The following TNS4 variants were observed in gnomAD, a reference collection of about 807,000 sequenced individuals.
TNS4 encodes the protein tensin 4, also known as tensin-4.
TNS4 carries 46 observed loss-of-function variants against 70.4 expected under a neutral mutation model. That is an observed-to-expected ratio of 0.65 (90% CI 0.52 to 0.84). The LOEUF is 0.84. Ranked by LOEUF, TNS4 falls within the 40% of genes least tolerant of loss-of-function variation. The pLI is 0.00. For synonymous variants in TNS4, 390 were observed against 366.6 expected, an observed-to-expected ratio of 1.06 and a Z score of -0.73; for missense variants, 863 against 907.0, an observed-to-expected ratio of 0.95 and a Z score of 0.62.
chr17:40,496,517 G>T lies in TNS4; in HGVS notation c.-92C>A. 1 of 1,351,582 alleles carries T rather than the reference G, an allele frequency of 7.4e-7. No homozygotes were observed. The highest frequency in any genetic ancestry group is 9.9e-7 in the Non-Finnish European group (1 of 1,008,214). The allele number at this position is 1,351,582 out of a possible 1,614,324, so 83.7% of individuals were successfully genotyped here. On this transcript the variant is annotated 5_prime_UTR_variant, in exon 2 of 13. The change creates a new upstream start codon in the 5' untranslated region. Transcript: ENST00000254051. The stretch of plus-strand genomic sequence containing the variant: ...CTCACTTGCTAACCAGGAGCTCCCA[G>T]GATCTGAAAGAGTCCAAGAGTGGGA...
rs148373689 is a variant in TNS4, at chr17:40,488,687, G to A, written c.722C>T (p.Ser241Leu). 2.8e-5 allele frequency: 44 copies of A among 1,578,942 alleles called. No homozygotes were observed. The East Asian group carries it at 4.1e-4, about 15-fold the overall frequency. ...ISIPCMGSKA[S>L]SPHGLGSPLV... The stretch of plus-strand genomic sequence containing the variant: ...CGGGGAGCCCAAACCATGGGGGCTC[G>A]AGGCCTTGCTCCCCATGCAAGGGAT... Residue 241 changes from serine (S) to leucine (L), a missense_variant, in exon 3 of 13, where the codon TCG becomes TTG. Coordinates refer to ENST00000254051, the MANE Select transcript of TNS4 (RefSeq NM_032865.6).
In TNS4 at chr17:40,484,580, CT is replaced by C; in HGVS notation, c.1404del (p.Ala470LeufsTer4). 1 of 1,612,834 alleles carries C rather than the reference CT, an allele frequency of 6.2e-7. No homozygotes were observed. The highest frequency in any genetic ancestry group is 1.1e-5 in the South Asian group (1 of 91,078). On this transcript the variant is annotated frameshift_variant, in exon 6 of 13. Transcript: ENST00000254051. LOFTEE classifies it high-confidence loss of function. Reference protein sequence around the residue: ...QAIELLRKEEPGAFVIRDSSS... With the variant: ...QAIELLRKEEXGAFVIRDSSS... Reference sequence around the variant, plus strand: ...GAGCTGTCCCTTATGACAAAAGCCCCTGGCTCCTCCTTCCTCAGCAGCTCGA... The same window carrying C: ...GAGCTGTCCCTTATGACAAAAGCCCCGGCTCCTCCTTCCTCAGCAGCTCGA...
At chr17:40,491,262 A>C (rs1281413004) in intron 2 of TNS4, among the ~76,000 whole-genome samples, 3 of 152,238 alleles carry the variant, frequency 2.0e-5, no homozygotes, top group Non-Finnish European at 4.4e-5. Context: ...CTTAGTGTAC[A>C]ACGATGTTTC....
chr17:40,493,378 G>T (rs1251676876), intron 2 of TNS4, among the ~76,000 whole-genome samples: 2 of 152,206 alleles, frequency 1.3e-5, no homozygotes, highest in African/African-American at 4.8e-5. Flanking sequence ...TTCGAGGTAA[G>T]AGAACTCACC....
chr17:40,476,198 G>A lies in TNS4; in HGVS notation c.*1390C>T, dbSNP rs2143768513. On this transcript the variant is annotated 3_prime_UTR_variant, in exon 13 of 13. Coordinates refer to ENST00000254051, the MANE Select transcript of TNS4 (RefSeq NM_032865.6). ...GGTTTCCTTAGGAACTCAGGCCTGC[G>A]GGAGAAATGGTTCCAGCTTCTGGAG... 1 of 146,962 alleles carries A rather than the reference G, an allele frequency of 6.8e-6. No individual in the cohort carries two copies. Among genetic ancestry groups the A allele is most frequent in the Non-Finnish European group, 1.5e-5 (1 of 66,776 alleles). The allele number at this position is 146,962 out of a possible 1,614,324, so 9.1% of individuals were successfully genotyped here. A position where few individuals can be genotyped will look rare whatever the true frequency, so the allele number is the denominator to read the frequency against.
At chr17:40,489,796 CAAA>C (rs11463268) in intron 2 of TNS4, among the ~76,000 whole-genome samples, 6 of 105,574 alleles carry the variant, frequency 5.7e-5, no homozygotes, top group African/African-American at 7.4e-5. Context: ...GCCCCATCTC[CAAA>C]AAAAAAAAAA....
Position 40,477,739 on chromosome 17 carries a change from G to A in TNS4, c.2007-10C>T, listed in dbSNP as rs2035867187. The A allele has an allele frequency of 1.2e-6, 2 of 1,612,802 alleles. No individual in the cohort carries two copies. On this transcript the variant is annotated splice_polypyrimidine_tract_variant and intron_variant, in intron 12 of 12. Transcript: ENST00000254051. ...CACAAACCCAAAGATCCTGGTGGGGGAGGGCAGTCTGAGTGAGGGGTGGGA... is the reference window on the plus strand; with the variant it reads ...CACAAACCCAAAGATCCTGGTGGGGAAGGGCAGTCTGAGTGAGGGGTGGGA...
chr17:40,484,615 A>G lies in TNS4; in HGVS notation c.1376-6T>C. ...CTTCCTCAGCAGCTCGATTGCTGGA[A>G]CAATCCTTGAGTCAGAGATGGACAC... On this transcript the variant is annotated splice_polypyrimidine_tract_variant and splice_region_variant and intron_variant, in intron 5 of 12. Coordinates refer to ENST00000254051, the MANE Select transcript of TNS4 (RefSeq NM_032865.6). 6.2e-7 allele frequency: 1 copy of G among 1,611,620 alleles called. No homozygotes were observed. Among genetic ancestry groups the G allele is most frequent in the African/African-American group, 1.3e-5 (1 of 75,038 alleles).
Position 40,496,159 on chromosome 17 carries a change from C to T in TNS4, c.267G>A (p.Gly89=). The T allele has an allele frequency of 6.2e-7, 1 of 1,609,754 alleles. No homozygotes were observed. Residue 89 remains glycine (G), a synonymous_variant, in exon 2 of 13, where the codon GGG becomes GGA. Transcript: ENST00000254051. Reference sequence around the variant, plus strand: ...TGTAGGAGTCAAGGTCCTCTGGGGTCCCCAAGGCCTTCTCACCAGGGGACG... The same window carrying T: ...TGTAGGAGTCAAGGTCCTCTGGGGTTCCCAAGGCCTTCTCACCAGGGGACG... ...FLPSPGEKAL[G]TPEDLDSYID... is the part of the protein sequence containing the mutation.
intron 3 of TNS4, 38 bp from the exon 4 acceptor site, chr17:40,487,498 C>T: frequency 6.4e-7 from 1 of 1,563,516 alleles, no homozygotes; most frequent in Middle Eastern, 1.8e-4. Flanking sequence ...GTTAGGGCAA[C>T]AGGTGGCTCA....
Position 40,496,443 on chromosome 17 carries a change from C to T in TNS4, c.-18G>A, listed in dbSNP as rs1469601634. ...TGGGACATGGTGGGGGTGGTGACCT[C>T]TGCAGTTTACCTCTGGTCTTCAACC... On this transcript the variant is annotated 5_prime_UTR_variant, in exon 2 of 13. Coordinates refer to ENST00000254051, the MANE Select transcript of TNS4 (RefSeq NM_032865.6). 6 of 1,604,224 alleles carry T rather than the reference C, an allele frequency of 3.7e-6. No individual in the cohort carries two copies. The highest frequency in any genetic ancestry group is 5.1e-6 in the Non-Finnish European group (6 of 1,177,294).
At chr17:40,479,352 G>A (rs1278076327) in intron 10 of TNS4, among the ~76,000 whole-genome samples, 2 of 152,162 alleles carry the variant, frequency 1.3e-5, no homozygotes, top group Non-Finnish European at 2.9e-5. Context: ...TCATCATGTT[G>A]ACCAGGCTGG....
chr17:40,480,984 A>G (rs1597688891), intron 8 of TNS4: 7 of 546,970 alleles, frequency 1.3e-5, no homozygotes, highest in Non-Finnish European at 2.2e-5. Flanking sequence ...TGATCTCTTC[A>G]TCCCCTCCTC....
intron 7 of TNS4, 38 bp downstream of exon 7, chr17:40,482,286 C>T (rs534409647): frequency 3.5e-5 from 57 of 1,613,890 alleles, no homozygotes; most frequent in Admixed American, 6.7e-5. Flanking sequence ...TTCGCTGGCC[C>T]CCCATCCCGG....
In TNS4 at chr17:40,488,899, G is replaced by A. The variant is rs1246838521; in HGVS notation, c.510C>T (p.Pro170=). The A allele has an allele frequency of 6.2e-7, 1 of 1,613,052 alleles. No homozygotes were observed. Among genetic ancestry groups the A allele is most frequent in the Non-Finnish European group, 8.5e-7 (1 of 1,179,736 alleles). Residue 170 remains proline (P), a synonymous_variant, in exon 3 of 13, where the codon CCC becomes CCT. Coordinates refer to ENST00000254051, the MANE Select transcript of TNS4 (RefSeq NM_032865.6). ...GGGAGCCGAAGGGCGGGGTGACAGA[G>A]GGGCTGGAGCAGTGCTGGGGGCCAT... is the stretch of plus-strand genomic sequence containing the variant. ...CHDGPQHCSS[P]SVTPPFGSLR...
chr17:40,492,105 C>G (rs748229736), intron 2 of TNS4, among the ~76,000 whole-genome samples: 18 of 152,088 alleles, frequency 1.2e-4, no homozygotes, highest in Non-Finnish European at 2.4e-4. Context: ...CCCAGGAGGT[C>G]GCGCCTCAGA....
chr17:40,493,582 C>T (rs188795207), intron 2 of TNS4, among the ~76,000 whole-genome samples: 36 of 152,242 alleles, frequency 2.4e-4, no homozygotes, highest in East Asian at 1.4e-3. Flanking sequence ...TCCAGGCAGA[C>T]GTTAGAGGAA....
Position 40,477,668 on chromosome 17 carries a change from C to G in TNS4, c.2068G>C (p.Ala690Pro), listed in dbSNP as rs1172433641. The G allele has an allele frequency of 6.2e-7, 1 of 1,614,018 alleles. No individual in the cohort carries two copies. The highest frequency in any genetic ancestry group is 1.7e-5 in the Admixed American group (1 of 60,014). ...EPQENVCHLF[A>P]EYDMVQPASQ... Reference sequence around the variant, plus strand: ...GCTGGCTGGACCATGTCATACTCCGCAAAGAGGTGGCATACGTTCTCCTGA... The same window carrying G: ...GCTGGCTGGACCATGTCATACTCCGGAAAGAGGTGGCATACGTTCTCCTGA... The change falls in exon 13 of 13, where the codon GCG becomes CCG. Residue 690 changes from alanine (A) to proline (P), a missense_variant. Coordinates refer to ENST00000254051, the MANE Select transcript of TNS4 (RefSeq NM_032865.6).
chr17:40,487,985 C>T, intron 3 of TNS4, among the ~76,000 whole-genome samples: 1 of 152,246 alleles, frequency 6.6e-6, no homozygotes, highest in South Asian at 2.1e-4. Flanking sequence ...CAGGGACTGC[C>T]TTGGCCAGTG....
Sources: allele counts gnomAD v4.1 joint callset (sites outside exome capture counted in the v4.1 genomes callset), GRCh38; gene constraint gnomAD v4.1.1; transcripts MANE v1.5; gene names NCBI Gene and HGNC (gene_info 2026-07-23, HGNC 2026-07-21).